Variants in PCLO observed in about 807,000 individuals in gnomAD.
PCLO encodes piccolo presynaptic cytomatrix protein.
In PCLO, 82 loss-of-function variants were observed where a neutral mutation model predicts 427.5. That is an observed-to-expected ratio of 0.19 (90% CI 0.16 to 0.23). The LOEUF is 0.23. Ranked by LOEUF, PCLO falls within the 10% of genes least tolerant of loss-of-function variation. The probability of loss-of-function intolerance (pLI) is 1.00; values close to 1 mark genes in which losing one functional copy is unlikely to be tolerated. For missense variants in PCLO, 6,239 were observed against 6,115.9 expected, an observed-to-expected ratio of 1.02 and a Z score of -0.67; for synonymous variants, 2,357 against 2,155.4, an observed-to-expected ratio of 1.09 and a Z score of -2.59.
intron 5 of PCLO, 136 bp from the exon 6 acceptor site, chr7:82,951,626 A>G: frequency 2.4e-6 from 2 of 849,808 alleles, no homozygotes; most frequent in Non-Finnish European, 3.6e-6. Context: ...TATATGCGGA[A>G]TGAAAGCAAT....
intron 22 of PCLO, among the ~76,000 whole-genome samples, chr7:82,766,766 G>T (rs1338977088): frequency 6.6e-6 from 1 of 152,066 alleles, no homozygotes; most frequent in Non-Finnish European, 1.5e-5. Context: ...GGAGAAAAGT[G>T]GAATTAAAAA....
In PCLO at chr7:83,162,418, C is replaced by T. The variant is rs1371874279; in HGVS notation, c.175G>A (p.Val59Ile). 1 of 1,597,396 alleles carries T rather than the reference C, an allele frequency of 6.3e-7. No homozygotes were observed. The highest frequency in any genetic ancestry group is 2.3e-5 in the East Asian group (1 of 44,070). ...GGCAGCCCCTGCGCCCTTGACATGA[C>T]AGCGGCGATCTGTCTCCTCTCCTCT... Reference protein sequence around the residue: ...SEEERRQIAAVMSRAQGLPKG... With the variant: ...SEEERRQIAAIMSRAQGLPKG... The change falls in exon 1 of 25, where the codon GTC becomes ATC. Residue 59 changes from valine (V) to isoleucine (I), a missense_variant. Val to Ile is a conservative substitution (Grantham distance 29). Around this residue, in one of 5 missense-constraint regions of PCLO, gnomAD observed 4,677 missense variants for 4,468.4 expected, o/e 1.05. Transcript: ENST00000333891.
chr7:83,046,249 C>T lies in PCLO; in HGVS notation c.3301-79762G>A, dbSNP rs889064561. Among the ~76,000 whole-genome samples, 8 of 152,016 alleles carry T rather than the reference C, an allele frequency of 5.3e-5. No homozygotes were observed. The East Asian group carries it at 1.5e-3, about 29-fold the overall frequency. On this transcript the variant is annotated intron_variant, in intron 3 of 24. Coordinates refer to ENST00000333891, the MANE Select transcript of PCLO (RefSeq NM_033026.6). ...GATAACACATATAAATTTTGGGAAA[C>T]ACAATTCAGCCTATCACACTACCTA...
chr7:82,897,643 A>G (rs532529553), intron 9 of PCLO, among the ~76,000 whole-genome samples: 3 of 151,472 alleles, frequency 2.0e-5, no homozygotes, highest in Middle Eastern at 3.4e-3. Flanking sequence ...TGTTGTGTTC[A>G]CTCTATTAAT....
At chr7:83,069,119 G>C (rs1406338471) in intron 3 of PCLO, among the ~76,000 whole-genome samples, 1 of 152,120 alleles carries the variant, frequency 6.6e-6, no homozygotes, top group Non-Finnish European at 1.5e-5. Context: ...AGAGAAACAA[G>C]TTCTGGAGAA....
chr7:83,078,041 CAG>C (rs927294718), intron 3 of PCLO, among the ~76,000 whole-genome samples: 24 of 152,120 alleles, frequency 1.6e-4, no homozygotes, highest in Non-Finnish European at 2.8e-4. Flanking sequence ...TTCCAGCACT[CAG>C]AGTACAGGAA....
intron 3 of PCLO, among the ~76,000 whole-genome samples, chr7:83,040,349 G>T (rs1788942211): frequency 6.6e-6 from 1 of 152,098 alleles, no homozygotes; most frequent in South Asian, 2.1e-4. Context: ...GTCACCTTGG[G>T]ATAACAGGGG....
chr7:83,007,127 G>A (rs1197880982), intron 3 of PCLO, among the ~76,000 whole-genome samples: 1 of 151,424 alleles, frequency 6.6e-6, no homozygotes, highest in Admixed American at 6.6e-5. Flanking sequence ...AAAAGTTATT[G>A]GAATAGTGAT....
At chr7:83,106,539 G>A (rs1274937131) in intron 3 of PCLO, among the ~76,000 whole-genome samples, 1 of 151,924 alleles carries the variant, frequency 6.6e-6, no homozygotes, top group African/African-American at 2.4e-5. Context: ...TCTTTTATTA[G>A]CCATTTTTAT....
chr7:82,785,608 C>T (rs886846840), intron 22 of PCLO, among the ~76,000 whole-genome samples: 9 of 152,044 alleles, frequency 5.9e-5, no homozygotes, highest in African/African-American at 1.4e-4. Flanking sequence ...GGGTGATTGG[C>T]GCAATGATGG....
chr7:82,889,787 A>G (rs372291055), intron 9 of PCLO, among the ~76,000 whole-genome samples: 5 of 152,248 alleles, frequency 3.3e-5, no homozygotes, highest in African/African-American at 4.8e-5. Flanking sequence ...ACCAGTCATT[A>G]CATTTATATT....
rs1339873829 is a variant in PCLO, at chr7:82,954,491, T to C, written c.6462A>G (p.Gln2154=). 47 of 1,613,604 alleles carry C rather than the reference T, an allele frequency of 2.9e-5. No homozygotes were observed. The highest frequency in any genetic ancestry group is 3.9e-5 in the Non-Finnish European group (46 of 1,179,610). The change falls in exon 5 of 25, where the codon CAA becomes CAG. Residue 2154 remains glutamine, a synonymous_variant. Coordinates refer to ENST00000333891, the MANE Select transcript of PCLO (RefSeq NM_033026.6). ...EYVTDYTREI[Q]EIIAHESLIL... is the part of the protein sequence containing the mutation. Reference sequence around the variant, plus strand: ...TCAGCGATTCATGGGCAATTATCTCTTGAATTTCTCTTGTATAATCGGTTA... The same window carrying C: ...TCAGCGATTCATGGGCAATTATCTCCTGAATTTCTCTTGTATAATCGGTTA...
In PCLO at chr7:82,859,279, T is replaced by C. The variant is rs887132301; in HGVS notation, c.13655-12032A>G. On this transcript the variant is annotated intron_variant, in intron 10 of 24. Transcript: ENST00000333891. ...ACATAGGCAATAGACAGGAAGTGGT[T>C]ATAGCAGGCCTTGGGCAAGATCCAG... Among the ~76,000 whole-genome samples, 3 of 152,186 alleles carry C rather than the reference T, an allele frequency of 2.0e-5. No homozygotes were observed. In the East Asian group the frequency reaches 5.8e-4, roughly 29 times the overall value.
chr7:82,816,149 GA>G (rs769043964), intron 20 of PCLO, among the ~76,000 whole-genome samples: 5 of 151,996 alleles, frequency 3.3e-5, no homozygotes, highest in Non-Finnish European at 5.9e-5. Flanking sequence ...TCTTCCCCCA[GA>G]TCATGTTGCA....
At chr7:82,928,527 C>A (rs1052415958) in intron 6 of PCLO, among the ~76,000 whole-genome samples, 7 of 152,072 alleles carry the variant, frequency 4.6e-5, no homozygotes, top group Non-Finnish European at 1.0e-4. Flanking sequence ...ATTACAGGCA[C>A]CTGCTACCAC....
At chr7:82,818,091 A>G (rs1043787038) in intron 20 of PCLO, among the ~76,000 whole-genome samples, 1 of 52,778 alleles carries the variant, frequency 1.9e-5, no homozygotes, top group Admixed American at 2.6e-4. Context: ...GCATGGGGAA[A>G]ACAACAACAA....
At position 83,050,227 on chromosome 7, in the gene PCLO, A is replaced by AAAAAAAAAAAAAAAAAAAC. The variant is rs71074611; in HGVS notation, c.3301-83741_3301-83740insGTTTTTTTTTTTTTTTTTT. On this transcript the variant is annotated intron_variant, in intron 3 of 24. Transcript: ENST00000333891. ...AAAACTGAAAAAAAAAAAAAAAAAAAAAAAAAAAAACACAAGCAAACAAAA... is the reference window on the plus strand; with the variant it reads ...AAAACTGAAAAAAAAAAAAAAAAAAAAAAAAAAAAAAAAAAAAACAAAAAAAAAACACAAGCAAACAAAA... Among the ~76,000 whole-genome samples, 18 of 85,620 alleles carry AAAAAAAAAAAAAAAAAAAC rather than the reference A, an allele frequency of 2.1e-4. 3 individuals carry two copies. The highest frequency in any genetic ancestry group is 4.5e-4 in the Non-Finnish European group (17 of 37,728). The allele number at this position is 85,620 out of a possible 152,430, so 56.2% of individuals were successfully genotyped here. A position where few individuals can be genotyped will look rare whatever the true frequency, so the allele number is the denominator to read the frequency against.
At chr7:82,821,864 A>G (rs951081848) in intron 20 of PCLO, 2 of 982,916 alleles carry the variant, frequency 2.0e-6, no homozygotes, top group African/African-American at 3.5e-5. Flanking sequence ...AATGTAAGAA[A>G]TAAGATTTTC....
At chr7:83,159,867 G>A (rs1279604587) in intron 1 of PCLO, among the ~76,000 whole-genome samples, 3 of 152,006 alleles carry the variant, frequency 2.0e-5, no homozygotes, top group Non-Finnish European at 4.4e-5. Flanking sequence ...TAGGGACTAA[G>A]AGAAGCAAAG....
Sources: gnomAD v4.1 joint callset for allele counts (sites outside exome capture counted in the v4.1 genomes callset) on GRCh38, gnomAD v4.1.1 for gene constraint, gnomAD v4.1.1 regional missense constraint, MANE v1.5 for transcripts, NCBI Gene and HGNC (gene_info 2026-07-23, HGNC 2026-07-21) for gene names.